The following CLSTN2 variants were observed in gnomAD, a reference collection of about 807,000 sequenced individuals.
CLSTN2 encodes the protein calsyntenin-2.
CLSTN2 carries 48 observed loss-of-function variants against 101.2 expected under a neutral mutation model. The ratio of observed to expected loss-of-function variants is 0.47; its 90% CI spans 0.38 to 0.60. The LOEUF (loss-of-function observed/expected upper bound fraction) is 0.60. Among genes scored for constraint, CLSTN2 ranks in the 20% least tolerant of loss-of-function variants. The pLI is 0.00. For synonymous variants in CLSTN2, 481 were observed against 463.6 expected, an observed-to-expected ratio of 1.04 and a Z score of -0.48; for missense variants, 1,160 against 1,238.2, an observed-to-expected ratio of 0.94 and a Z score of 0.95.
intron 12 of CLSTN2, among the ~76,000 whole-genome samples, chr3:140,561,492 A>T (rs113452781): frequency 4.1e-4 from 63 of 152,362 alleles, no homozygotes; most frequent in African/African-American, 1.0e-3. Flanking sequence ...CTGGGAGTAC[A>T]TTAATTATAT....
At chr3:140,023,771 C>T (rs981401754) in intron 1 of CLSTN2, among the ~76,000 whole-genome samples, 50 of 152,266 alleles carry the variant, frequency 3.3e-4, no homozygotes, top group African/African-American at 1.1e-3. Flanking sequence ...CATTGTGCCT[C>T]GCATTTTCAC....
intron 1 of CLSTN2, among the ~76,000 whole-genome samples, chr3:139,978,176 A>G (rs952257377): frequency 6.6e-6 from 1 of 152,214 alleles, no homozygotes; most frequent in Non-Finnish European, 1.5e-5. Flanking sequence ...GCAATAGTTC[A>G]AAAAATTTGA....
At chr3:139,997,224 C>T (rs984956161) in intron 1 of CLSTN2, among the ~76,000 whole-genome samples, 2 of 151,902 alleles carry the variant, frequency 1.3e-5, no homozygotes, top group Non-Finnish European at 2.9e-5. Flanking sequence ...CTGGGTTTTA[C>T]CTTGTCCTTT....
At chr3:140,236,977 T>C (rs2350515) in intron 2 of CLSTN2, among the ~76,000 whole-genome samples, 40,023 of 151,872 alleles carry the variant, frequency 0.26, 5,788 homozygotes, top group Non-Finnish European at 0.33. Flanking sequence ...ACATTATCTG[T>C]GTCACTTCTG....
rs1383842535 is a variant in CLSTN2, at chr3:140,379,832, A to G, written c.233-23797A>G. ...ATGAAGATGCAGGGTACAGAATTAT[A>G]CATAATGTATGATCTCTACTATTTA... On this transcript the variant is annotated intron_variant, in intron 2 of 16. Transcript: ENST00000458420. Among the ~76,000 whole-genome samples the G allele has an allele frequency of 3.3e-5, 5 of 152,312 alleles. No individual in the cohort carries two copies. The East Asian group carries it at 9.6e-4, about 29-fold the overall frequency.
intron 7 of CLSTN2, among the ~76,000 whole-genome samples, chr3:140,466,313 A>T (rs776535411): frequency 2.6e-5 from 4 of 152,226 alleles, no homozygotes; most frequent in African/African-American, 4.8e-5. Context: ...TAACCTAAGT[A>T]ATTTGTACCC....
At chr3:139,977,602 A>G (rs944803661) in intron 1 of CLSTN2, among the ~76,000 whole-genome samples, 20 of 151,220 alleles carry the variant, frequency 1.3e-4, no homozygotes, top group African/African-American at 4.9e-4. Flanking sequence ...TGCCAGCACC[A>G]TTCCAATTCA....
intron 6 of CLSTN2, among the ~76,000 whole-genome samples, chr3:140,457,550 G>A (rs371860520): frequency 6.6e-6 from 1 of 152,320 alleles, no homozygotes; most frequent in East Asian, 1.9e-4. Context: ...TTAAAGGACA[G>A]CAAAGATTTT....
chr3:140,157,693 T>G (rs535575472), intron 1 of CLSTN2, among the ~76,000 whole-genome samples: 1 of 151,566 alleles, frequency 6.6e-6, no homozygotes, highest in South Asian at 2.1e-4. Context: ...AGTCTTGGTT[T>G]CATTGATTGT....
intron 1 of CLSTN2, among the ~76,000 whole-genome samples, chr3:139,961,401 G>A (rs1935509000): frequency 6.6e-6 from 1 of 152,170 alleles, no homozygotes; most frequent in South Asian, 2.1e-4. Context: ...GGATGGATGT[G>A]GCAGAGGAGG....
intron 8 of CLSTN2, among the ~76,000 whole-genome samples, chr3:140,521,711 C>T (rs2107773901): frequency 6.6e-6 from 1 of 152,346 alleles, no homozygotes; most frequent in South Asian, 2.1e-4. Context: ...CCAGAGCCAG[C>T]AGGCTATAAC....
At chr3:139,973,395 A>G (rs1935750936) in intron 1 of CLSTN2, among the ~76,000 whole-genome samples, 1 of 152,202 alleles carries the variant, frequency 6.6e-6, no homozygotes, top group Admixed American at 6.5e-5. Flanking sequence ...ACCCAGCTAA[A>G]AATTGGAGGG....
At chr3:140,536,053 T>A (rs995006114) in intron 9 of CLSTN2, among the ~76,000 whole-genome samples, 21 of 146,612 alleles carry the variant, frequency 1.4e-4, no homozygotes, top group Admixed American at 1.3e-3. Flanking sequence ...TTCCCCTTAC[T>A]AATCTTTTAT....
chr3:140,060,711 A>G (rs2008189874), intron 1 of CLSTN2, among the ~76,000 whole-genome samples: 1 of 152,212 alleles, frequency 6.6e-6, no homozygotes, highest in Non-Finnish European at 1.5e-5. Flanking sequence ...TGGCATCCAG[A>G]GTAACAAGGC....
intron 2 of CLSTN2, among the ~76,000 whole-genome samples, chr3:140,353,374 C>T (rs1426617187): frequency 3.9e-5 from 6 of 152,050 alleles, no homozygotes; most frequent in East Asian, 3.9e-4. Flanking sequence ...AACTGGAGTC[C>T]GATGTTCCAG....
At chr3:140,285,550 T>C (rs2086888230) in intron 2 of CLSTN2, among the ~76,000 whole-genome samples, 1 of 152,068 alleles carries the variant, frequency 6.6e-6, no homozygotes, top group African/African-American at 2.4e-5. Context: ...CAGCAACAGG[T>C]GTCACTAGAA....
intron 1 of CLSTN2, among the ~76,000 whole-genome samples, chr3:140,104,147 A>G (rs1345353326): frequency 1.3e-5 from 2 of 152,228 alleles, no homozygotes; most frequent in Non-Finnish European, 2.9e-5. Context: ...TAGTGAGGAT[A>G]TCTTTCCTCT....
chr3:140,055,155 A>G (rs1206711803), intron 1 of CLSTN2, among the ~76,000 whole-genome samples: 1 of 152,152 alleles, frequency 6.6e-6, no homozygotes, highest in Non-Finnish European at 1.5e-5. Context: ...TCAGAATTTC[A>G]TTCCATTTCA....
intron 2 of CLSTN2, among the ~76,000 whole-genome samples, chr3:140,219,124 G>C (rs887366594): frequency 1.3e-5 from 2 of 151,946 alleles, no homozygotes; most frequent in Non-Finnish European, 1.5e-5. Context: ...CAAACAAAAG[G>C]CTCGAACTGC....
Sources: allele counts gnomAD v4.1 joint callset (sites outside exome capture counted in the v4.1 genomes callset), GRCh38; gene constraint gnomAD v4.1.1; transcripts MANE v1.5; gene names NCBI Gene and HGNC (gene_info 2026-07-23, HGNC 2026-07-21).